The following NT5C3A variants were observed in gnomAD, a reference collection of about 807,000 sequenced individuals.
NT5C3A encodes the protein 5'-nucleotidase, cytosolic IIIA.
In NT5C3A, 23 loss-of-function variants were observed where a neutral mutation model predicts 40.0. The observed-to-expected ratio is 0.58, with a 90% confidence interval of 0.41 to 0.81. The LOEUF (loss-of-function observed/expected upper bound fraction) is 0.81. Ranked by LOEUF, NT5C3A falls within the 40% of genes least tolerant of loss-of-function variation. The pLI is 0.00. For missense variants in NT5C3A, 328 were observed against 403.0 expected (o/e 0.81, Z 1.59); for synonymous variants, 130 against 141.4 (o/e 0.92, Z 0.57).
intron 1 of NT5C3A, among the ~76,000 whole-genome samples, chr7:33,039,709 A>G (rs1398296010): frequency 6.6e-6 from 1 of 151,920 alleles, no homozygotes; most frequent in Non-Finnish European, 1.5e-5. Flanking sequence ...AGCGGTGGGG[A>G]AAAAGAAACA....
intron 1 of NT5C3A, among the ~76,000 whole-genome samples, chr7:33,061,583 A>G (rs969821512): frequency 6.6e-6 from 1 of 152,210 alleles, no homozygotes; most frequent in African/African-American, 2.4e-5. Flanking sequence ...AGTACAACCA[A>G]TAGGACAAAT....
At chr7:33,061,655 A>G (rs1452742232) in intron 1 of NT5C3A, among the ~76,000 whole-genome samples, 1 of 152,206 alleles carries the variant, frequency 6.6e-6, no homozygotes, top group Non-Finnish European at 1.5e-5. Context: ...TTACACCCTA[A>G]AATGATATTA....
At chr7:33,055,915 A>G (rs1787550654) in intron 1 of NT5C3A, among the ~76,000 whole-genome samples, 1 of 152,168 alleles carries the variant, frequency 6.6e-6, no homozygotes, top group Non-Finnish European at 1.5e-5. Flanking sequence ...TTTTGAGACC[A>G]GCCTGGGCAA....
chr7:33,059,144 C>A (rs1307939786), intron 1 of NT5C3A, among the ~76,000 whole-genome samples: 1 of 152,172 alleles, frequency 6.6e-6, no homozygotes, highest in African/African-American at 2.4e-5. Context: ...ATATCCAGCT[C>A]CACACTGGCC....
intron 1 of NT5C3A, among the ~76,000 whole-genome samples, chr7:33,047,887 T>C (rs1787218137): frequency 6.6e-6 from 1 of 152,158 alleles, no homozygotes; most frequent in Non-Finnish European, 1.5e-5. Context: ...AGTGGTATGA[T>C]CTTAGCTTAC....
intron 1 of NT5C3A, among the ~76,000 whole-genome samples, chr7:33,028,196 CT>C (rs1228361495): frequency 6.6e-6 from 1 of 152,166 alleles, no homozygotes; most frequent in African/African-American, 2.4e-5. Context: ...GTAATCCCAG[CT>C]ACTTGGAAGC....
intron 1 of NT5C3A, among the ~76,000 whole-genome samples, chr7:33,034,181 G>A (rs775147664): frequency 3.9e-5 from 6 of 151,920 alleles, no homozygotes; most frequent in Admixed American, 6.6e-5. Flanking sequence ...GTGAGCCACC[G>A]CGCCCGGCCA....
At chr7:33,035,169 T>G (rs1201750208) in intron 1 of NT5C3A, among the ~76,000 whole-genome samples, 2 of 150,154 alleles carry the variant, frequency 1.3e-5, no homozygotes, top group African/African-American at 4.9e-5. Context: ...TTCAGGGCTA[T>G]AGAAGCTAAT....
chr7:33,036,330 G>T, intron 1 of NT5C3A: 1 of 320,988 alleles, frequency 3.1e-6, no homozygotes, highest in South Asian at 3.1e-5. Flanking sequence ...ACAAGAGTGA[G>T]AACCCTGGCC....
chr7:33,047,660 T>A (rs1412309487), intron 1 of NT5C3A, among the ~76,000 whole-genome samples: 1 of 152,116 alleles, frequency 6.6e-6, no homozygotes, highest in African/African-American at 2.4e-5. Flanking sequence ...GGTAAAAAAA[T>A]TATACTTAAT....
chr7:33,018,369 G>C (rs907392766), intron 6 of NT5C3A, among the ~76,000 whole-genome samples: 1 of 152,144 alleles, frequency 6.6e-6, no homozygotes, highest in Non-Finnish European at 1.5e-5. Flanking sequence ...CTGGGCCATA[G>C]GTTAAAGAAT....
At chr7:33,043,878 G>A (rs1170830084) in intron 1 of NT5C3A, among the ~76,000 whole-genome samples, 1 of 152,074 alleles carries the variant, frequency 6.6e-6, no homozygotes, top group African/African-American at 2.4e-5. Flanking sequence ...AGCATGCGAT[G>A]GCCCTTTACA....
At chr7:33,038,739 G>A in intron 1 of NT5C3A, 8 of 418,502 alleles carry the variant, frequency 1.9e-5, no homozygotes, top group South Asian at 1.4e-4. Context: ...TTCTAAGGAA[G>A]ACACTGAAAA....
chr7:33,027,387 A>T (rs1210162200), intron 1 of NT5C3A, among the ~76,000 whole-genome samples: 1 of 152,224 alleles, frequency 6.6e-6, no homozygotes, highest in African/African-American at 2.4e-5. Flanking sequence ...TACCATTTAT[A>T]CACACAAAAA....
intron 5 of NT5C3A, 104 bp downstream of exon 5, chr7:33,021,168 A>T: frequency 3.4e-6 from 5 of 1,453,194 alleles, no homozygotes; most frequent in Non-Finnish European, 4.7e-6. Flanking sequence ...ATAATTTATT[A>T]ATCTGTTTGT....
chr7:33,037,971 T>C (rs1413620230), intron 1 of NT5C3A, among the ~76,000 whole-genome samples: 2 of 152,090 alleles, frequency 1.3e-5, no homozygotes, highest in African/African-American at 4.8e-5. Context: ...CTTTTTTCTG[T>C]CACAGTCATC....
chr7:33,030,291 G>A (rs1006456445), intron 1 of NT5C3A, among the ~76,000 whole-genome samples: 11 of 152,254 alleles, frequency 7.2e-5, no homozygotes, highest in African/African-American at 2.4e-4. Flanking sequence ...TGTGGTGGTT[G>A]TTGTTGAACA....
At chr7:33,030,385 C>G (rs1786178709) in intron 1 of NT5C3A, among the ~76,000 whole-genome samples, 1 of 152,078 alleles carries the variant, frequency 6.6e-6, no homozygotes, top group Non-Finnish European at 1.5e-5. Context: ...AAAACACAGA[C>G]TTGGTTTGGT....
At chr7:33,025,047 G>T (rs759167685) in intron 2 of NT5C3A, among the ~76,000 whole-genome samples, 4 of 152,116 alleles carry the variant, frequency 2.6e-5, no homozygotes, top group African/African-American at 4.8e-5. Context: ...GCTGAGGCAG[G>T]AGAATCACTT....
Sources: allele counts gnomAD v4.1 joint callset (sites outside exome capture counted in the v4.1 genomes callset), GRCh38; gene constraint gnomAD v4.1.1; transcripts MANE v1.5; gene names NCBI Gene and HGNC (gene_info 2026-07-23, HGNC 2026-07-21).